Variants in C15orf39 observed in about 807,000 individuals in gnomAD.
C15orf39 encodes the protein PRMT2 interacting protein.
C15orf39 carries 24 observed loss-of-function variants against 53.9 expected under a neutral mutation model. The ratio of observed to expected loss-of-function variants is 0.45; its 90% CI spans 0.32 to 0.63. The LOEUF is 0.63. Among genes scored for constraint, C15orf39 ranks in the 20% least tolerant of loss-of-function variants. The pLI is 0.04. For synonymous variants in C15orf39, 569 were observed against 576.5 expected, an observed-to-expected ratio of 0.99 and a Z score of 0.19; for missense variants, 1,271 against 1,347.9, an observed-to-expected ratio of 0.94 and a Z score of 0.89.
In C15orf39 at chr15:75,207,846, A is replaced by G. The variant is rs758951591; in HGVS notation, c.1798A>G (p.Thr600Ala). The change falls in exon 2 of 3, where the codon ACT becomes GCT. Residue 600 changes from threonine to alanine, a missense_variant. Transcript: ENST00000394987. Reference sequence around the variant, plus strand: ...CCGTTCTGTGGAGCATGCCAAGCCTACTGCAGCCATGGATGTGCCAGATGT... The same window carrying G: ...CCGTTCTGTGGAGCATGCCAAGCCTGCTGCAGCCATGGATGTGCCAGATGT... ...ASRSVEHAKP[T>A]AAMDVPDVGN... 1 of 1,613,288 alleles carries G rather than the reference A, an allele frequency of 6.2e-7. No individual in the cohort carries two copies. Among genetic ancestry groups the G allele is most frequent in the Non-Finnish European group, 8.5e-7 (1 of 1,179,894 alleles).
intron 1 of C15orf39, among the ~76,000 whole-genome samples, chr15:75,202,991 C>A (rs891028818): frequency 6.6e-6 from 1 of 152,240 alleles, no homozygotes; most frequent in African/African-American, 2.4e-5. Context: ...ATCCCGTTCG[C>A]TTTCCCCTCC....
chr15:75,212,022 C>T lies in C15orf39; in HGVS notation c.*906C>T, dbSNP rs2070487440. 1.3e-5 allele frequency: 2 copies of T among 152,280 alleles called. No individual in the cohort carries two copies. Among genetic ancestry groups the T allele is most frequent in the African/African-American group, 4.8e-5 (2 of 41,442 alleles). The allele number at this position is 152,280 out of a possible 1,614,324, so 9.4% of individuals were successfully genotyped here. ...GACCCTGCTGCTCCCCAAGCCAGAG[C>T]CCATCAGCCAGGCCTGCTGTGAGCC... On this transcript the variant is annotated 3_prime_UTR_variant, in exon 3 of 3. Transcript: ENST00000394987.
In C15orf39 at chr15:75,206,235, T is replaced by C; in HGVS notation, c.187T>C (p.Leu63=). ...AGTPKAESEQ[L]ASWTPYPPLY... Reference sequence around the variant, plus strand: ...TACTCCTAAGGCCGAGTCTGAGCAGTTGGCGTCCTGGACCCCATACCCACC... The same window carrying C: ...TACTCCTAAGGCCGAGTCTGAGCAGCTGGCGTCCTGGACCCCATACCCACC... Residue 63 remains leucine, a synonymous_variant, in exon 2 of 3, where the codon TTG becomes CTG. Transcript: ENST00000394987. The C allele has an allele frequency of 1.2e-6, 2 of 1,614,114 alleles. No homozygotes were observed. The highest frequency in any genetic ancestry group is 1.7e-6 in the Non-Finnish European group (2 of 1,179,984).
rs1025680296 is a variant in C15orf39 at position 75,208,599 on chromosome 15, G to A, written c.2551G>A (p.Glu851Lys). Residue 851 changes from glutamate to lysine, a missense_variant, in exon 2 of 3, where the codon GAG (glutamate) becomes AAG (lysine). Transcript: ENST00000394987. ...CTTCGTGCCCATTCACCTGGTGAAG[G>A]AGCGGCTCTTCCCTCGGCTGCCACC... ...AIFVPIHLVK[E>K]RLFPRLPPAS... 1 of 1,581,154 alleles carries A rather than the reference G, an allele frequency of 6.3e-7. No individual in the cohort carries two copies.
chr15:75,207,168 C>G lies in C15orf39; in HGVS notation c.1120C>G (p.Gln374Glu). ...ACGGTGCCCATTGGACTTTGCCCCC[C>G]AGACACTGAGTTTTCCTTATGCCCG... ...TPRCPLDFAP[Q>E]TLSFPYARDD... is the part of the protein sequence containing the mutation. The change falls in exon 2 of 3, where the codon CAG (glutamine) becomes GAG (glutamate). Residue 374 changes from glutamine (Q) to glutamate (E), a missense_variant. Transcript: ENST00000394987. 6.2e-7 allele frequency: 1 copy of G among 1,613,956 alleles called. No individual in the cohort carries two copies. Among genetic ancestry groups the G allele is most frequent in the Admixed American group, 1.7e-5 (1 of 60,016 alleles).
chr15:75,208,026 G>A lies in C15orf39; in HGVS notation c.1978G>A (p.Ala660Thr), dbSNP rs764340871. 1 of 1,614,014 alleles carries A rather than the reference G, an allele frequency of 6.2e-7. No individual in the cohort carries two copies. Among genetic ancestry groups the A allele is most frequent in the Non-Finnish European group, 8.5e-7 (1 of 1,180,016 alleles). ...CCGAAAGTTCAAGATCCTCCGTCCG[G>A]CACCTTTGCCTGCAGCCGTGGTCCC... Reference protein sequence around the residue: ...MFRKFKILRPAPLPAAVVPST... With the variant: ...MFRKFKILRPTPLPAAVVPST... The change falls in exon 2 of 3, where the codon GCA becomes ACA. Residue 660 changes from alanine to threonine, a missense_variant. By Grantham distance (58) the Ala-to-Thr change is moderately conservative. Around this residue, in one of 2 missense-constraint regions of C15orf39, gnomAD observed 994 missense variants for 993.7 expected, o/e 1.00. Transcript: ENST00000394987.
At chr15:75,203,391 C>T (rs2070418075) in intron 1 of C15orf39, among the ~76,000 whole-genome samples, 1 of 152,198 alleles carries the variant, frequency 6.6e-6, no homozygotes, top group South Asian at 2.1e-4. Flanking sequence ...CTGCCCTTTC[C>T]GAGAGCTTGC....
rs372020078 is a variant in C15orf39 at position 75,208,701 on chromosome 15, C to T, written c.2653C>T (p.Arg885Trp). 6.2e-7 allele frequency: 1 copy of T among 1,607,084 alleles called. No individual in the cohort carries two copies. The highest frequency in any genetic ancestry group is 1.7e-5 in the Admixed American group (1 of 59,860). ...PTTLSEERALRELALPGCTSR... is the reference protein window; with the variant it reads ...PTTLSEERALWELALPGCTSR... The stretch of plus-strand genomic sequence containing the variant: ...CACGCTGTCGGAGGAGCGGGCACTG[C>T]GGGAGCTCGCCCTGCCAGGCTGCAC... The change falls in exon 2 of 3, where the codon CGG becomes TGG. Residue 885 changes from arginine (R) to tryptophan (W), a missense_variant. Coordinates refer to ENST00000394987, the MANE Select transcript of C15orf39 (RefSeq NM_015492.5).
rs776502976 is a variant in C15orf39 at position 75,207,038 on chromosome 15, C to G, written c.990C>G (p.Ala330=). Residue 330 remains alanine (A), a synonymous_variant, in exon 2 of 3, where the codon GCC becomes GCG. Transcript: ENST00000394987. ...LGSPYLRQQA[A]QAPYIPPLGL... ...GCCCCTACCTGAGGCAGCAGGCAGC[C>G]CAGGCACCTTACATTCCCCCACTGG... 17 of 1,608,304 alleles carry G rather than the reference C, an allele frequency of 1.1e-5. No individual in the cohort carries two copies. The East Asian group carries it at 3.6e-4, about 34-fold the overall frequency.
intron 1 of C15orf39, among the ~76,000 whole-genome samples, chr15:75,204,488 T>TTTTTTGTTTTG (rs1468840783): frequency 6.6e-6 from 1 of 152,040 alleles, no homozygotes; most frequent in East Asian, 1.9e-4. Flanking sequence ...TTTCTTTTCT[T>TTTTTTGTTTTG]TTTTTTTGTT....
chr15:75,207,638 C>T lies in C15orf39; in HGVS notation c.1590C>T (p.Ala530=). The T allele has an allele frequency of 6.2e-7, 1 of 1,612,032 alleles. No individual in the cohort carries two copies. Among genetic ancestry groups the T allele is most frequent in the Non-Finnish European group, 8.5e-7 (1 of 1,179,570 alleles). ...APEATTEPDS[A]TAEPDSAPAT... is the part of the protein sequence containing the mutation. ...AGGCCACAACTGAGCCTGACTCTGCCACAGCTGAGCCTGACTCAGCCCCAG... is the reference window on the plus strand; with the variant it reads ...AGGCCACAACTGAGCCTGACTCTGCTACAGCTGAGCCTGACTCAGCCCCAG... Residue 530 remains alanine (A), a synonymous_variant, in exon 2 of 3, where the codon GCC becomes GCT. Coordinates refer to ENST00000394987, the MANE Select transcript of C15orf39 (RefSeq NM_015492.5).
chr15:75,204,566 A>G (rs1395920314), intron 1 of C15orf39, among the ~76,000 whole-genome samples: 4 of 151,892 alleles, frequency 2.6e-5, no homozygotes, highest in African/African-American at 9.7e-5. Flanking sequence ...GAAGTGCAGT[A>G]GCACAATCTT....
chr15:75,206,398 C>T lies in C15orf39; in HGVS notation c.350C>T (p.Pro117Leu), dbSNP rs749926416. ...SSPVELLPFS[P>L]QAHSYPGPPL... Reference sequence around the variant, plus strand: ...CCTGTTGAGCTCCTGCCCTTCAGTCCCCAGGCTCACTCCTACCCAGGCCCA... The same window carrying T: ...CCTGTTGAGCTCCTGCCCTTCAGTCTCCAGGCTCACTCCTACCCAGGCCCA... The change falls in exon 2 of 3, where the codon CCC (proline) becomes CTC (leucine). Residue 117 changes from proline to leucine, a missense_variant. Pro to Leu is a moderately conservative substitution (Grantham distance 98, BLOSUM62 -3). Around this residue, in one of 2 missense-constraint regions of C15orf39, gnomAD observed 994 missense variants for 993.7 expected, o/e 1.00. Coordinates refer to ENST00000394987, the MANE Select transcript of C15orf39 (RefSeq NM_015492.5). The T allele has an allele frequency of 1.2e-6, 2 of 1,613,894 alleles. No individual in the cohort carries two copies. The highest frequency in any genetic ancestry group is 2.2e-5 in the East Asian group (1 of 44,906).
chr15:75,202,196 A>C (rs1403227353), intron 1 of C15orf39, 137 bp downstream of exon 1: 2 of 151,956 alleles, frequency 1.3e-5, no homozygotes, highest in African/African-American at 4.8e-5. Context: ...GCCTGGGCCG[A>C]GGGGCTGCGG....
rs1251142770 is a variant in C15orf39, at chr15:75,207,164, C to T, written c.1116C>T (p.Ala372=). ...CTCCACGGTGCCCATTGGACTTTGC[C>T]CCCCAGACACTGAGTTTTCCTTATG... is the stretch of plus-strand genomic sequence containing the variant. ...PLTPRCPLDF[A]PQTLSFPYAR... Residue 372 remains alanine (A), a synonymous_variant, in exon 2 of 3, where the codon GCC becomes GCT. Coordinates refer to ENST00000394987, the MANE Select transcript of C15orf39 (RefSeq NM_015492.5). The T allele has an allele frequency of 2.5e-6, 4 of 1,613,902 alleles. No individual in the cohort carries two copies. The highest frequency in any genetic ancestry group is 2.2e-5 in the East Asian group (1 of 44,862).
chr15:75,209,119 CT>C, intron 2 of C15orf39: 1 of 412,786 alleles, frequency 2.4e-6, no homozygotes, highest in Non-Finnish European at 4.4e-6. Context: ...CTGCCTGTGC[CT>C]TCTCCATCTT....
chr15:75,207,128 G>T lies in C15orf39; in HGVS notation c.1080G>T (p.Glu360Asp), dbSNP rs1434656685. The change falls in exon 2 of 3, where the codon GAG becomes GAT. Residue 360 changes from glutamate to aspartate, a missense_variant. Around this residue, in one of 2 missense-constraint regions of C15orf39, gnomAD observed 994 missense variants for 993.7 expected, o/e 1.00. Transcript: ENST00000394987. ...CACCCTCTCCAGGCCTCAAGCTGGAGCCGCCTCTCACTCCACGGTGCCCAT... is the reference window on the plus strand; with the variant it reads ...CACCCTCTCCAGGCCTCAAGCTGGATCCGCCTCTCACTCCACGGTGCCCAT... The part of the protein sequence containing the change: ...LPAPSPGLKL[E>D]PPLTPRCPLD... 1 of 1,613,614 alleles carries T rather than the reference G, an allele frequency of 6.2e-7. No homozygotes were observed. Among genetic ancestry groups the T allele is most frequent in the South Asian group, 1.1e-5 (1 of 91,066 alleles).
In C15orf39 at chr15:75,208,059, C is replaced by T; in HGVS notation, c.2011C>T (p.Pro671Ser). 6.2e-7 allele frequency: 1 copy of T among 1,614,102 alleles called. No homozygotes were observed. The highest frequency in any genetic ancestry group is 1.3e-5 in the African/African-American group (1 of 75,038). The change falls in exon 2 of 3, where the codon CCC becomes TCC. Residue 671 changes from proline (P) to serine (S), a missense_variant. This residue lies in a region of C15orf39 where 994 missense variants were observed against 993.7 expected (regional missense o/e 1.00). Transcript: ENST00000394987. Reference protein sequence around the residue: ...PLPAAVVPSTPTSAPAPTQPA... With the variant: ...PLPAAVVPSTSTSAPAPTQPA... ...GCCTGCAGCCGTGGTCCCGTCCACG[C>T]CCACCTCAGCTCCTGCTCCCACACA...
Position 75,208,126 on chromosome 15 carries a change from T to C in C15orf39, c.2078T>C (p.Ile693Thr), listed in dbSNP as rs750865203. Residue 693 changes from isoleucine to threonine, a missense_variant, in exon 2 of 3, where the codon ATT becomes ACT. Physicochemically the swap from Ile to Thr is moderately conservative, Grantham distance 89. This residue lies in a region of C15orf39 where 994 missense variants were observed against 993.7 expected (regional missense o/e 1.00). Coordinates refer to ENST00000394987, the MANE Select transcript of C15orf39 (RefSeq NM_015492.5). The part of the protein sequence containing the change: ...TPTSGPIGLR[I>T]LAQQPLSVTC... ...ACATCTGGGCCCATTGGACTGCGGA[T>C]TCTCGCTCAACAGCCCTTGTCTGTG... The C allele has an allele frequency of 5.0e-6, 8 of 1,614,064 alleles. No individual in the cohort carries two copies. The highest frequency in any genetic ancestry group is 6.8e-6 in the Non-Finnish European group (8 of 1,180,000).
Sources: allele counts gnomAD v4.1 joint callset (sites outside exome capture counted in the v4.1 genomes callset), GRCh38; gene constraint gnomAD v4.1.1; regional missense constraint gnomAD v4.1.1; transcripts MANE v1.5; gene names NCBI Gene and HGNC (gene_info 2026-07-23, HGNC 2026-07-21).